TENM4: variants seen among roughly 807,000 people sequenced by gnomAD.
The protein encoded by TENM4 is teneurin transmembrane protein 4.
Under a neutral mutation model 243.3 loss-of-function variants are expected in TENM4, and 82 were observed. The observed-to-expected ratio is 0.34, with a 90% confidence interval of 0.28 to 0.40. The LOEUF (loss-of-function observed/expected upper bound fraction) is 0.40. TENM4 is among the 10% of genes least tolerant of loss of function. The pLI is 1.00. For missense variants in TENM4, 3,138 were observed against 3,673.3 expected (o/e 0.85, Z 3.77); for synonymous variants, 1,412 against 1,456.3 (o/e 0.97, Z 0.69).
chr11:79,285,976 CTG>C (rs1268765411), intron 2 of TENM4, among the ~76,000 whole-genome samples: 10 of 152,104 alleles, frequency 6.6e-5, no homozygotes, highest in South Asian at 2.1e-4. Flanking sequence ...TTGCACAACT[CTG>C]TGAATAGACT....
chr11:78,860,721 A>AT lies in TENM4; in HGVS notation c.1255+2240dup, dbSNP rs570806339. Among the ~76,000 whole-genome samples, 353 of 152,182 alleles carry AT rather than the reference A, an allele frequency of 2.3e-3. 1 individual carries two copies. The highest frequency in any genetic ancestry group is 7.8e-3 in the African/African-American group (324 of 41,540). On this transcript the variant is annotated intron_variant, in intron 10 of 33. Coordinates refer to ENST00000278550, the MANE Select transcript of TENM4 (RefSeq NM_001098816.3). ...TGTCCTCTGGTTTCCAGTCTGACGTATTTTTTTTGTCACAGTGATTGCTTC... is the reference window on the plus strand; with the variant it reads ...TGTCCTCTGGTTTCCAGTCTGACGTATTTTTTTTTGTCACAGTGATTGCTTC...
At chr11:79,102,574 G>C (rs948404494) in intron 4 of TENM4, among the ~76,000 whole-genome samples, 16 of 152,330 alleles carry the variant, frequency 1.1e-4, no homozygotes, top group African/African-American at 3.8e-4. Flanking sequence ...ATGTTATGAG[G>C]GTTCAAGGAA....
intron 17 of TENM4, among the ~76,000 whole-genome samples, chr11:78,776,060 C>G (rs1297204727): frequency 6.6e-6 from 1 of 151,840 alleles, no homozygotes; most frequent in Non-Finnish European, 1.5e-5. Flanking sequence ...CTTTTTTTCT[C>G]TCTCCATATT....
At chr11:78,978,924 T>C (rs1272004223) in intron 6 of TENM4, among the ~76,000 whole-genome samples, 3 of 152,126 alleles carry the variant, frequency 2.0e-5, no homozygotes, top group African/African-American at 7.2e-5. Flanking sequence ...CGGTGTTTCT[T>C]GGGCACATCG....
intron 1 of TENM4, among the ~76,000 whole-genome samples, chr11:79,372,791 T>A (rs1565319425): frequency 1.3e-5 from 2 of 152,156 alleles, no homozygotes; most frequent in African/African-American, 4.8e-5. Context: ...TCTACATTAC[T>A]CTCCTCCTTC....
intron 25 of TENM4, among the ~76,000 whole-genome samples, chr11:78,713,473 G>A (rs1440122323): frequency 6.6e-6 from 1 of 152,204 alleles, no homozygotes; most frequent in Non-Finnish European, 1.5e-5. Flanking sequence ...AGATGCCTTG[G>A]GGAGACAAAG....
intron 12 of TENM4, among the ~76,000 whole-genome samples, chr11:78,828,071 T>C (rs2136139100): frequency 6.6e-6 from 1 of 152,334 alleles, no homozygotes. Context: ...TCAACACTTT[T>C]TAAATATCAA....
intron 1 of TENM4, among the ~76,000 whole-genome samples, chr11:79,319,632 C>T (rs1247554829): frequency 1.3e-5 from 2 of 152,054 alleles, no homozygotes; most frequent in Non-Finnish European, 2.9e-5. Flanking sequence ...CCTTGAGTAT[C>T]GATGCTAACA....
Position 78,726,220 on chromosome 11 carries a change from A to AC in TENM4, c.3408_3409insG (p.Ser1137ValfsTer5). On this transcript the variant is annotated frameshift_variant and splice_region_variant, in exon 23 of 34. Transcript: ENST00000278550. LOFTEE classifies it high-confidence loss of function. ...CAGGATTCATATTCATAACCCACGG[A>AC]AACTGTAGGTGACAGAATGAGGCAA... 6.2e-7 allele frequency: 1 copy of AC among 1,613,788 alleles called. No homozygotes were observed. The highest frequency in any genetic ancestry group is 8.5e-7 in the Non-Finnish European group (1 of 1,179,774).
intron 3 of TENM4, among the ~76,000 whole-genome samples, chr11:79,204,532 G>C (rs1023193141): frequency 1.3e-5 from 2 of 152,156 alleles, no homozygotes; most frequent in Non-Finnish European, 2.9e-5. Flanking sequence ...CAAGGGAATT[G>C]AAACAGTAGG....
chr11:79,311,268 C>T (rs1191135911), intron 1 of TENM4, among the ~76,000 whole-genome samples: 3 of 152,240 alleles, frequency 2.0e-5, no homozygotes, highest in African/African-American at 7.2e-5. Flanking sequence ...AATGAAATCT[C>T]AAACCCACCT....
At chr11:79,175,711 T>C (rs1591333788) in intron 3 of TENM4, among the ~76,000 whole-genome samples, 2 of 152,226 alleles carry the variant, frequency 1.3e-5, no homozygotes, top group South Asian at 4.1e-4. Context: ...AAAATTTTCT[T>C]CCATTCTCAT....
At chr11:78,964,067 G>A (rs1484266344) in intron 6 of TENM4, among the ~76,000 whole-genome samples, 1 of 126,140 alleles carries the variant, frequency 7.9e-6, no homozygotes, top group Non-Finnish European at 1.6e-5. Context: ...TCCCCTAGAT[G>A]GAGTCTTGCT....
intron 19 of TENM4, among the ~76,000 whole-genome samples, chr11:78,742,613 A>T (rs1026634973): frequency 6.6e-6 from 1 of 152,184 alleles, no homozygotes; most frequent in Non-Finnish European, 1.5e-5. Context: ...AGGCTAGGTG[A>T]ACTCTGCCAG....
chr11:79,311,327 C>T (rs944911494), intron 1 of TENM4, among the ~76,000 whole-genome samples: 22 of 152,278 alleles, frequency 1.4e-4, no homozygotes, highest in Admixed American at 1.3e-4. Context: ...AGGACTTCTG[C>T]GATGACAGTG....
chr11:79,110,794 A>C (rs887014898), intron 4 of TENM4, among the ~76,000 whole-genome samples: 2 of 152,102 alleles, frequency 1.3e-5, no homozygotes, highest in Admixed American at 6.5e-5. Flanking sequence ...GGTATCTGAG[A>C]GATAGGCCCT....
At chr11:79,352,119 G>A (rs1857424522) in intron 1 of TENM4, among the ~76,000 whole-genome samples, 1 of 152,058 alleles carries the variant, frequency 6.6e-6, no homozygotes, top group Non-Finnish European at 1.5e-5. Flanking sequence ...AAAATAATTC[G>A]GCTGGCACTG....
chr11:79,339,975 G>A (rs1437686012), intron 1 of TENM4, among the ~76,000 whole-genome samples: 2 of 152,088 alleles, frequency 1.3e-5, no homozygotes, highest in Admixed American at 6.5e-5. Flanking sequence ...GGTCAGCAGA[G>A]CCATTCAGCT....
chr11:79,053,435 A>G (rs113440378), intron 6 of TENM4, among the ~76,000 whole-genome samples: 2,806 of 152,316 alleles, frequency 0.018, 78 homozygotes, highest in African/African-American at 0.065. Context: ...TGTGGTTCCT[A>G]TCACCTTCAG....
Sources: allele counts gnomAD v4.1 joint callset (sites outside exome capture counted in the v4.1 genomes callset), GRCh38; gene constraint gnomAD v4.1.1; transcripts MANE v1.5; gene names NCBI Gene and HGNC (gene_info 2026-07-23, HGNC 2026-07-21).